SOX5: variants seen among roughly 807,000 people sequenced by gnomAD.
The protein encoded by SOX5 is transcription factor SOX-5.
In SOX5, 9 loss-of-function variants were observed where a neutral mutation model predicts 92.0. The ratio of observed to expected loss-of-function variants is 0.10; its 90% CI spans 0.06 to 0.17. The LOEUF is 0.17. Ranked by LOEUF, SOX5 falls within the 10% of genes least tolerant of loss-of-function variation. The pLI is 1.00. For synonymous variants in SOX5, 344 were observed against 336.3 expected, an observed-to-expected ratio of 1.02 and a Z score of -0.25; for missense variants, 642 against 944.5, an observed-to-expected ratio of 0.68 and a Z score of 4.20.
intron 4 of SOX5, among the ~76,000 whole-genome samples, chr12:24,019,670 T>C (rs1954067904): frequency 6.6e-6 from 1 of 152,206 alleles, no homozygotes; most frequent in African/African-American, 2.4e-5. Context: ...AAGTTACCTG[T>C]GGAGTTGCAC....
intron 2 of SOX5, among the ~76,000 whole-genome samples, chr12:24,327,967 G>T (rs1181080873): frequency 6.6e-6 from 1 of 152,048 alleles, no homozygotes; most frequent in Non-Finnish European, 1.5e-5. Context: ...GTTGGAATTA[G>T]AGGCATGAAC....
At chr12:24,040,450 G>T (rs190390590) in intron 4 of SOX5, among the ~76,000 whole-genome samples, 1 of 152,254 alleles carries the variant, frequency 6.6e-6, no homozygotes, top group Non-Finnish European at 1.5e-5. Context: ...ATTGTCATAA[G>T]ACAAAATGCC....
intron 4 of SOX5, among the ~76,000 whole-genome samples, chr12:24,057,124 G>A (rs185542545): frequency 4.2e-4 from 64 of 151,928 alleles, no homozygotes; most frequent in South Asian, 1.9e-3. Flanking sequence ...TTTAATCTGC[G>A]TATCCTAGTT....
At chr12:24,458,084 C>T (rs187552194) in intron 1 of SOX5, among the ~76,000 whole-genome samples, 2 of 152,032 alleles carry the variant, frequency 1.3e-5, no homozygotes, top group African/African-American at 4.8e-5. Flanking sequence ...TTGTATTGTG[C>T]ATGTGAATCA....
At chr12:23,585,068 C>A (rs1416634742) in intron 9 of SOX5, among the ~76,000 whole-genome samples, 1 of 152,024 alleles carries the variant, frequency 6.6e-6, no homozygotes, top group South Asian at 2.1e-4. Context: ...TCGATAAATT[C>A]TAAGTTTTTC....
At chr12:24,532,036 C>T (rs1229360255) in intron 1 of SOX5, among the ~76,000 whole-genome samples, 1 of 152,066 alleles carries the variant, frequency 6.6e-6, no homozygotes, top group Non-Finnish European at 1.5e-5. Context: ...GTACGTAAGC[C>T]TAATGAAAGC....
At chr12:24,412,387 C>T (rs1964261830) in intron 1 of SOX5, among the ~76,000 whole-genome samples, 1 of 151,934 alleles carries the variant, frequency 6.6e-6, no homozygotes, top group Admixed American at 6.6e-5. Flanking sequence ...TGATTTGAGA[C>T]TTTTCCTCTT....
upstream of SOX5, chr12:23,950,877 G>A: frequency 6.5e-7 from 1 of 1,535,084 alleles, no homozygotes; most frequent in Admixed American, 2.0e-5. Flanking sequence ...ACACAGACAT[G>A]CATGCAGAGA....
At chr12:23,844,228 G>T (rs2135997709) in intron 3 of SOX5, among the ~76,000 whole-genome samples, 1 of 152,302 alleles carries the variant, frequency 6.6e-6, no homozygotes, top group South Asian at 2.1e-4. Flanking sequence ...GCCCAGCAAT[G>T]AGAGAGAGTA....
At chr12:23,921,529 G>A (rs1938277936) in intron 1 of SOX5, among the ~76,000 whole-genome samples, 1 of 152,108 alleles carries the variant, frequency 6.6e-6, no homozygotes, top group Non-Finnish European at 1.5e-5. Context: ...AAGGTCTTAG[G>A]GGACATGTCT....
chr12:24,552,192 G>T (rs1385450064), intron 1 of SOX5, among the ~76,000 whole-genome samples: 4 of 151,302 alleles, frequency 2.6e-5, no homozygotes, highest in Non-Finnish European at 5.9e-5. Flanking sequence ...TTTTATTTTA[G>T]AACTCCTAAA....
At chr12:23,813,832 C>A (rs2095928324) in intron 3 of SOX5, among the ~76,000 whole-genome samples, 1 of 151,988 alleles carries the variant, frequency 6.6e-6, no homozygotes, top group Non-Finnish European at 1.5e-5. Flanking sequence ...GAGATACTTG[C>A]CGAATTATTC....
chr12:24,479,078 C>G (rs1945695401), intron 1 of SOX5, among the ~76,000 whole-genome samples: 1 of 152,150 alleles, frequency 6.6e-6, no homozygotes, highest in South Asian at 2.1e-4. Flanking sequence ...CTCATTGTTC[C>G]CATCAAATAT....
intron 1 of SOX5, among the ~76,000 whole-genome samples, chr12:24,524,508 T>C (rs1446491545): frequency 1.3e-5 from 2 of 149,424 alleles, no homozygotes; most frequent in Non-Finnish European, 3.0e-5. Flanking sequence ...CGTTTTCAAT[T>C]GAAAAAAAAA....
At chr12:24,005,358 G>C (rs919206519) in intron 4 of SOX5, among the ~76,000 whole-genome samples, 3 of 152,052 alleles carry the variant, frequency 2.0e-5, no homozygotes, top group Admixed American at 6.6e-5. Context: ...TAGTAAAATA[G>C]TCTGATATTT....
chr12:24,322,102 T>C (rs1293212399), intron 2 of SOX5, among the ~76,000 whole-genome samples: 1 of 152,184 alleles, frequency 6.6e-6, no homozygotes, highest in African/African-American at 2.4e-5. Flanking sequence ...ATCTGTCAAC[T>C]AAACAGCAGT....
At chr12:24,056,974 C>CAAAAAAAAAAAAAAAAAAAAAAAAAAAA (rs60085412) in intron 4 of SOX5, among the ~76,000 whole-genome samples, 1 of 36,914 alleles carries the variant, frequency 2.7e-5, no homozygotes, top group Non-Finnish European at 5.6e-5. Flanking sequence ...GACTCCGTCT[C>CAAAAAAAAAAAAAAAAAAAAAAAAAAAA]AAAAAAAAAA....
chr12:23,796,863 T>G (rs1056625799), intron 3 of SOX5, among the ~76,000 whole-genome samples: 2 of 144,220 alleles, frequency 1.4e-5, no homozygotes, highest in Non-Finnish European at 3.0e-5. Context: ...CAAAATATAT[T>G]TATAAATTTA....
At chr12:23,539,037 T>TCTCGTGATCTGCC (rs1941309885) in intron 13 of SOX5, among the ~76,000 whole-genome samples, 1 of 151,722 alleles carries the variant, frequency 6.6e-6, no homozygotes, top group South Asian at 2.1e-4. Context: ...AATCTCCTGA[T>TCTCGTGATCTGCC]CTCGTGATCT....
Sources: allele counts gnomAD v4.1 joint callset (sites outside exome capture counted in the v4.1 genomes callset), GRCh38; gene constraint gnomAD v4.1.1; transcripts MANE v1.5; gene names NCBI Gene and HGNC (gene_info 2026-07-23, HGNC 2026-07-21).